CAST: variants seen among roughly 807,000 people sequenced by gnomAD.
CAST encodes calpastatin.
CAST carries 76 observed loss-of-function variants against 119.6 expected under a neutral mutation model. That is an observed-to-expected ratio of 0.64 (90% CI 0.53 to 0.77). The LOEUF (loss-of-function observed/expected upper bound fraction) is 0.77. Among genes scored for constraint, CAST ranks in the 30% least tolerant of loss-of-function variants. The pLI is 0.00. For missense variants in CAST, 953 were observed against 946.5 expected (o/e 1.01, Z -0.09); for synonymous variants, 319 against 331.6 (o/e 0.96, Z 0.41).
At chr5:96,218,249 T>C in the CAST span, among the ~76,000 whole-genome samples, 1 of 152,232 alleles carries the variant, frequency 6.6e-6, no homozygotes, top group Admixed American at 6.5e-5. Context: ...AAGCTGTCTA[T>C]GGGTTTCTGA....
chr5:96,700,951 CAG>C (rs1753812059), intron 3 of CAST, among the ~76,000 whole-genome samples: 1 of 150,384 alleles, frequency 6.6e-6, no homozygotes, highest in Non-Finnish European at 1.5e-5. Context: ...TTTTTTGAGA[CAG>C]GGTCTCACTA....
chr5:96,232,493 C>A, the CAST span, among the ~76,000 whole-genome samples: 1 of 151,934 alleles, frequency 6.6e-6, no homozygotes, highest in East Asian at 1.9e-4. Context: ...ATTTGGAAAA[C>A]CTAAGAAAAT....
At chr5:96,312,965 T>C in the CAST span, among the ~76,000 whole-genome samples, 1 of 152,112 alleles carries the variant, frequency 6.6e-6, no homozygotes, top group Admixed American at 6.5e-5. Flanking sequence ...TTACATACTA[T>C]GGATGTTGTA....
At chr5:96,687,117 C>T (rs886358623) in intron 2 of CAST, among the ~76,000 whole-genome samples, 6 of 152,148 alleles carry the variant, frequency 3.9e-5, no homozygotes, top group African/African-American at 7.2e-5. Flanking sequence ...AGGGATAAGG[C>T]GGATTCTGGG....
chr5:96,510,776 G>A, the CAST span, among the ~76,000 whole-genome samples: 15 of 152,140 alleles, frequency 9.9e-5, no homozygotes, highest in African/African-American at 1.9e-4. Flanking sequence ...GCACACTGAC[G>A]TTTGTACGAA....
chr5:96,696,855 C>A (rs1753358955), intron 3 of CAST, among the ~76,000 whole-genome samples: 1 of 149,514 alleles, frequency 6.7e-6, no homozygotes. Flanking sequence ...GACTCTGTCT[C>A]AAAAATAAAA....
the CAST span, among the ~76,000 whole-genome samples, chr5:96,179,684 G>A: frequency 1.3e-5 from 2 of 152,230 alleles, no homozygotes; most frequent in Non-Finnish European, 1.5e-5. Context: ...GGCAGAGGGA[G>A]CATGTGCAGG....
At chr5:96,230,405 C>T in the CAST span, among the ~76,000 whole-genome samples, 2 of 152,112 alleles carry the variant, frequency 1.3e-5, no homozygotes, top group African/African-American at 4.8e-5. Flanking sequence ...GCCCAGAAGC[C>T]ACCGCATAAT....
intron 4 of CAST, among the ~76,000 whole-genome samples, chr5:96,724,824 AAAAT>A (rs150344814): frequency 0.67 from 101,006 of 149,984 alleles, 34,399 homozygotes; most frequent in Admixed American, 0.77. Context: ...CCCTGTCTCA[AAAAT>A]AAATAAATAA....
At chr5:96,601,769 A>T (rs552786174) in intron 1 of CAST, among the ~76,000 whole-genome samples, 1 of 152,250 alleles carries the variant, frequency 6.6e-6, no homozygotes, top group South Asian at 2.1e-4. Context: ...TAAAGCTAAC[A>T]CCCTTATCAT....
the CAST span, among the ~76,000 whole-genome samples, chr5:96,306,761 G>C: frequency 6.6e-6 from 1 of 152,140 alleles, no homozygotes; most frequent in African/African-American, 2.4e-5. Flanking sequence ...GTGTGGTTTT[G>C]AGTGAGTTTC....
At chr5:96,077,242 AT>A in the CAST span, among the ~76,000 whole-genome samples, 1 of 152,148 alleles carries the variant, frequency 6.6e-6, no homozygotes, top group Non-Finnish European at 1.5e-5. Flanking sequence ...TTACTTTTTC[AT>A]GAATAAATTC....
intron 16 of CAST, among the ~76,000 whole-genome samples, chr5:96,743,069 A>G (rs374184061): frequency 9.4e-4 from 143 of 152,338 alleles, no homozygotes; most frequent in African/African-American, 3.4e-3. Flanking sequence ...GCAATTGGAA[A>G]TTTGTATTTT....
At chr5:96,737,228 A>C (rs565902533) in intron 10 of CAST, among the ~76,000 whole-genome samples, 1 of 152,174 alleles carries the variant, frequency 6.6e-6, no homozygotes, top group African/African-American at 2.4e-5. Context: ...ATTTAAGCCC[A>C]TATTGGCAGA....
intron 3 of CAST, among the ~76,000 whole-genome samples, chr5:96,719,360 T>C (rs1361828329): frequency 6.6e-6 from 1 of 152,226 alleles, no homozygotes; most frequent in Non-Finnish European, 1.5e-5. Flanking sequence ...AAGGTCTCAC[T>C]ACATTGCCCA....
chr5:96,168,610 C>A, the CAST span, among the ~76,000 whole-genome samples: 4 of 151,926 alleles, frequency 2.6e-5, no homozygotes, highest in Non-Finnish European at 5.9e-5. Context: ...TGGTGAGTGG[C>A]GATTAGGCCT....
At chr5:96,171,162 G>C in the CAST span, among the ~76,000 whole-genome samples, 1 of 152,200 alleles carries the variant, frequency 6.6e-6, no homozygotes, top group Non-Finnish European at 1.5e-5. Context: ...TAGCCCGTTT[G>C]CCTATTTTAC....
intron 3 of CAST, among the ~76,000 whole-genome samples, chr5:96,720,952 TTGAATGGAAA>T (rs1185901323): frequency 1.3e-5 from 2 of 152,208 alleles, no homozygotes; most frequent in Non-Finnish European, 2.9e-5. Context: ...TTTCTTGAGT[TTGAATGGAAA>T]TCTGTATAAT....
At chr5:96,447,938 C>G in the CAST span, among the ~76,000 whole-genome samples, 1 of 151,816 alleles carries the variant, frequency 6.6e-6, no homozygotes, top group Non-Finnish European at 1.5e-5. Context: ...CCTGCTAGAA[C>G]AGCTCTGTCC....
Sources: allele counts gnomAD v4.1 joint callset (sites outside exome capture counted in the v4.1 genomes callset), GRCh38; gene constraint gnomAD v4.1.1; transcripts MANE v1.5; gene names NCBI Gene and HGNC (gene_info 2026-07-23, HGNC 2026-07-21).